The following SNAPC4 variants were observed in gnomAD, a reference collection of about 807,000 sequenced individuals.
The protein encoded by SNAPC4 is snRNA-activating protein complex subunit 4.
Under a neutral mutation model 151.3 loss-of-function variants are expected in SNAPC4, and 127 were observed. The ratio of observed to expected loss-of-function variants is 0.84; its 90% CI spans 0.73 to 0.97. SNAPC4 has a LOEUF of 0.97. Ranked by LOEUF, SNAPC4 falls within the 50% of genes least tolerant of loss-of-function variation. The pLI is 0.00. For missense variants in SNAPC4, 2,186 were observed against 1,935.0 expected, an observed-to-expected ratio of 1.13 and a Z score of -2.43; for synonymous variants, 1,002 against 824.4, an observed-to-expected ratio of 1.22 and a Z score of -3.69.
chr9:136,399,746 T>C (rs1455218904), intron 1 of SNAPC4, among the ~76,000 whole-genome samples: 1 of 152,106 alleles, frequency 6.6e-6, no homozygotes, highest in Non-Finnish European at 1.5e-5. Flanking sequence ...AGGCACTGGC[T>C]TGGGAGACAG....
At chr9:136,396,914 G>A (rs1423733829) in intron 3 of SNAPC4, 63 bp downstream of exon 3, 7 of 1,342,842 alleles carry the variant, frequency 5.2e-6, no homozygotes, top group Non-Finnish European at 6.4e-6. Context: ...CCCCTCCCAG[G>A]CTACTTTGGA....
intron 6 of SNAPC4, 56 bp downstream of exon 6, chr9:136,394,744 G>A (rs935295551): frequency 1.4e-6 from 2 of 1,467,532 alleles, no homozygotes; most frequent in African/African-American, 2.8e-5. Flanking sequence ...GGAAAGGAGG[G>A]CCATGGGGAG....
rs1440309507 is a variant in SNAPC4, at chr9:136,390,840, A to AT, written c.975+1101dup. Among the ~76,000 whole-genome samples, 1,274 of 145,438 alleles carry AT rather than the reference A, an allele frequency of 8.8e-3. 5 individuals carry two copies. Among genetic ancestry groups the AT allele is most frequent in the African/African-American group, 0.013 (509 of 39,930 alleles). ...AAAACCGATTTGTATTTATTTATTT[A>AT]TTTTTTTTTTTTTTGAGACGGAGTC... On this transcript the variant is annotated intron_variant, in intron 10 of 23. Transcript: ENST00000684778.
rs139956195 is a variant in SNAPC4 at position 136,381,697 on chromosome 9, C to T, written c.2317+127G>A. The T allele has an allele frequency of 1.8e-4, 215 of 1,192,992 alleles. No individual in the cohort carries two copies. In the East Asian group the frequency reaches 4.5e-3, roughly 25 times the overall value. The allele number at this position is 1,192,992 out of a possible 1,614,324, so 73.9% of individuals were successfully genotyped here. On this transcript the variant is annotated intron_variant, in intron 18 of 23. Transcript: ENST00000684778. ...GGGACGGGAAGCTGACCAGAGGTGG[C>T]GCCCACCCCAAAAAGACTCCCCTGC...
At position 136,378,755 on chromosome 9, in the gene SNAPC4, T is replaced by C; in HGVS notation, c.3072A>G (p.Gly1024=). The C allele has an allele frequency of 1.3e-6, 2 of 1,531,198 alleles. No individual in the cohort carries two copies. The highest frequency in any genetic ancestry group is 1.8e-6 in the Non-Finnish European group (2 of 1,138,580). The allele number at this position is 1,531,198 out of a possible 1,614,324, so 94.9% of individuals were successfully genotyped here. Reference sequence around the variant, plus strand: ...GGGATGCAGCGGGGGCCTGAGACTGTCCGAGACCACTCTCGGGGCAGCTCA... The same window carrying C: ...GGGATGCAGCGGGGGCCTGAGACTGCCCGAGACCACTCTCGGGGCAGCTCA... ...ISVSCPESGL[G]QSQAPAASRK... The change falls in exon 22 of 24, where the codon GGA becomes GGG. Residue 1024 remains glycine (G), a synonymous_variant. Coordinates refer to ENST00000684778, the MANE Select transcript of SNAPC4 (RefSeq NM_003086.4).
Position 136,383,465 on chromosome 9 carries a change from G to C in SNAPC4, c.1704C>G (p.Asp568Glu). ...ALLSPQYMVP[D>E]MDLWVPARQS... ...GCCTGGCAGGAACCCACAGGTCCAT[G>C]TCCGGGACCATGTACTGTGGGGACA... The change falls in exon 16 of 24, where the codon GAC becomes GAG. Residue 568 changes from aspartate (D) to glutamate (E), a missense_variant. Coordinates refer to ENST00000684778, the MANE Select transcript of SNAPC4 (RefSeq NM_003086.4). This position sits in a 1 kb window ranked among gnomAD's most constrained non-coding sequence, Gnocchi z 4.2. 1.3e-6 allele frequency: 2 copies of C among 1,563,114 alleles called. No homozygotes were observed. Among genetic ancestry groups the C allele is most frequent in the South Asian group, 2.3e-5 (2 of 86,122 alleles).
At position 136,377,654 on chromosome 9, in the gene SNAPC4, T is replaced by C. The variant is rs200797958; in HGVS notation, c.4173A>G (p.Ser1391=). ...TCTCAGAGCCCACCCTCGAAGGTACTGAGAGGGTGGTGCGGACGCCTTGGG... is the reference window on the plus strand; with the variant it reads ...TCTCAGAGCCCACCCTCGAAGGTACCGAGAGGGTGGTGCGGACGCCTTGGG... ...LAPQGVRTTL[S]VPSRVGSESE... Residue 1391 remains serine, a synonymous_variant, in exon 22 of 24, where the codon TCA becomes TCG. Coordinates refer to ENST00000684778, the MANE Select transcript of SNAPC4 (RefSeq NM_003086.4). 5.4e-4 allele frequency: 867 copies of C among 1,602,812 alleles called. No homozygotes were observed. The highest frequency in any genetic ancestry group is 6.9e-4 in the Non-Finnish European group (811 of 1,173,798).
chr9:136,379,845 C>T lies in SNAPC4; in HGVS notation c.2519G>A (p.Ser840Asn). 3 of 1,613,332 alleles carry T rather than the reference C, an allele frequency of 1.9e-6. No individual in the cohort carries two copies. The highest frequency in any genetic ancestry group is 2.5e-6 in the Non-Finnish European group (3 of 1,179,714). ...CAGAGAAGCAGAGTTACCTGGGGTG[C>T]TCTGGGCACTTGAGGATGCCTGGAA... ...HLLQASSSAQ[S>N]TPGHLFPNVP... The change falls in exon 21 of 24, where the codon AGC (serine) becomes AAC (asparagine). Residue 840 changes from serine to asparagine, a missense_variant. Transcript: ENST00000684778.
At chr9:136,381,519 G>T in intron 18 of SNAPC4, 127 bp from the exon 19 acceptor site, 1 of 860,968 alleles carries the variant, frequency 1.2e-6, no homozygotes, top group Non-Finnish European at 1.9e-6. Flanking sequence ...AGGGTGGGAG[G>T]GGAGGCCTTG....
chr9:136,383,167 AC>A lies in SNAPC4; in HGVS notation c.1983+18del. 7 of 1,517,610 alleles carry A rather than the reference AC, an allele frequency of 4.6e-6. No individual in the cohort carries two copies. The allele number at this position is 1,517,610 out of a possible 1,614,324, so 94.0% of individuals were successfully genotyped here. A position where few individuals can be genotyped will look rare whatever the true frequency, so the allele number is the denominator to read the frequency against. ...GCCGAAAGTGCACTTCCCGTGGTACACCCAGGGCCGGGGCCTACCTCCAGGG... is the reference window on the plus strand; with the variant it reads ...GCCGAAAGTGCACTTCCCGTGGTACACCAGGGCCGGGGCCTACCTCCAGGG... On this transcript the variant is annotated intron_variant, in intron 16 of 23. Coordinates refer to ENST00000684778, the MANE Select transcript of SNAPC4 (RefSeq NM_003086.4). The surrounding 1 kb of genome is among the most constrained non-coding windows in gnomAD (Gnocchi z 4.2).
intron 2 of SNAPC4, 144 bp downstream of exon 2, chr9:136,398,155 A>G: frequency 1.4e-6 from 1 of 709,310 alleles, no homozygotes; most frequent in Non-Finnish European, 2.3e-6. Context: ...CAATGCTCTC[A>G]CCTCAGCCTC....
At position 136,392,507 on chromosome 9, in the gene SNAPC4, C is replaced by G. The variant is rs766877470; in HGVS notation, c.810+15G>C. On this transcript the variant is annotated intron_variant, in intron 9 of 23. Coordinates refer to ENST00000684778, the MANE Select transcript of SNAPC4 (RefSeq NM_003086.4). The stretch of plus-strand genomic sequence containing the variant: ...GCTCCAAGCTGCTTGGGGCTCAGAC[C>G]TGCCCCTGACTTACGTTAATATTGG... 80 of 1,612,650 alleles carry G rather than the reference C, an allele frequency of 5.0e-5. 2 individuals are homozygous for G. In the South Asian group the frequency reaches 8.6e-4, roughly 17 times the overall value.
At chr9:136,392,818 G>C in intron 7 of SNAPC4, 41 bp from the exon 8 acceptor site, 1 of 1,547,366 alleles carries the variant, frequency 6.5e-7, no homozygotes, top group African/African-American at 1.4e-5. Context: ...GGGCACGAGG[G>C]CTGCGGGGCG....
chr9:136,395,812 G>A (rs754283979), intron 3 of SNAPC4, 42 bp from the exon 4 acceptor site: 3 of 1,579,462 alleles, frequency 1.9e-6, no homozygotes, highest in South Asian at 2.3e-5. Context: ...GATGAGACGT[G>A]GATGCTCCCC....
At position 136,383,653 on chromosome 9, in the gene SNAPC4, G is replaced by A. The variant is rs769451254; in HGVS notation, c.1516C>T (p.Arg506Trp). 54 of 1,605,880 alleles carry A rather than the reference G, an allele frequency of 3.4e-5. No individual in the cohort carries two copies. Among genetic ancestry groups the A allele is most frequent in the East Asian group, 1.8e-4 (8 of 44,798 alleles). ...KIMMGKKQGL[R>W]RRRRRARHSV... ...TGACGGGCCCTCCGCCGCCGCCTCC[G>A]GAGACCCTGCTTCTTCTGAGGGGAG... Residue 506 changes from arginine (R) to tryptophan (W), a missense_variant, in exon 16 of 24, where the codon CGG becomes TGG. Physicochemically the swap from Arg to Trp is moderately radical, Grantham distance 101. Coordinates refer to ENST00000684778, the MANE Select transcript of SNAPC4 (RefSeq NM_003086.4). The surrounding 1 kb of genome is among the most constrained non-coding windows in gnomAD (Gnocchi z 4.2).
In SNAPC4 at chr9:136,379,164, G is replaced by A; in HGVS notation, c.2663C>T (p.Pro888Leu). The A allele has an allele frequency of 6.3e-7, 1 of 1,589,280 alleles. No homozygotes were observed. ...ASLLASTGPRPKPKTVSELLQ... is the reference protein window; with the variant it reads ...ASLLASTGPRLKPKTVSELLQ... Reference sequence around the variant, plus strand: ...CAGCTCCGACACAGTCTTGGGCTTGGGCCGGGGGCCGGTTGAAGCCAGCAG... The same window carrying A: ...CAGCTCCGACACAGTCTTGGGCTTGAGCCGGGGGCCGGTTGAAGCCAGCAG... The change falls in exon 22 of 24, where the codon CCC (proline) becomes CTC (leucine). Residue 888 changes from proline (P) to leucine (L), a missense_variant. By Grantham distance (98) the Pro-to-Leu change is moderately conservative. Transcript: ENST00000684778.
At chr9:136,391,152 G>A (rs1834060149) in intron 10 of SNAPC4, among the ~76,000 whole-genome samples, 1 of 152,120 alleles carries the variant, frequency 6.6e-6, no homozygotes, top group Admixed American at 6.5e-5. Flanking sequence ...CATCTTTAAA[G>A]GCAAACTCAA....
Position 136,381,988 on chromosome 9 carries a change from C to T in SNAPC4, c.2153G>A (p.Trp718Ter), listed in dbSNP as rs1214786473. The T allele has an allele frequency of 1.2e-6, 2 of 1,611,388 alleles. No homozygotes were observed. Among genetic ancestry groups the T allele is most frequent in the Non-Finnish European group, 1.7e-6 (2 of 1,179,730 alleles). The part of the protein sequence containing the change: ...GDSVARSHVQ[W>*]LRHRATQSGQ... ...ACTCTGGGTGGCTCTGTGCCGTAGC[C>T]ACTGCACATGGGATCGGGCCACGCT... The change falls in exon 18 of 24, where the codon TGG (tryptophan) becomes TAG (stop). Residue 718 changes from tryptophan to a stop codon, truncating the protein, a stop_gained. Coordinates refer to ENST00000684778, the MANE Select transcript of SNAPC4 (RefSeq NM_003086.4). LOFTEE classifies it high-confidence loss of function.
In SNAPC4 at chr9:136,377,575, G is replaced by C; in HGVS notation, c.4252C>G (p.Pro1418Ala). The C allele has an allele frequency of 6.6e-7, 1 of 1,521,954 alleles. No individual in the cohort carries two copies. The highest frequency in any genetic ancestry group is 8.8e-7 in the Non-Finnish European group (1 of 1,133,202). The allele number at this position is 1,521,954 out of a possible 1,614,324, so 94.3% of individuals were successfully genotyped here. The change falls in exon 22 of 24, where the codon CCG becomes GCG. Residue 1418 changes from proline to alanine, a missense_variant. Coordinates refer to ENST00000684778, the MANE Select transcript of SNAPC4 (RefSeq NM_003086.4). Reference sequence around the variant, plus strand: ...GGGCATGTGGCTGTCGTGCAGCCCGGCTGCCCGTCCCTGTCTGCAAGTTCC... The same window carrying C: ...GGGCATGTGGCTGTCGTGCAGCCCGCCTGCCCGTCCCTGTCTGCAAGTTCC... ...ELELADRDGQ[P>A]GCTTATCPIQ...
Sources: allele counts gnomAD v4.1 joint callset (sites outside exome capture counted in the v4.1 genomes callset), GRCh38; gene constraint gnomAD v4.1.1; non-coding constraint Gnocchi (gnomAD v3.1); transcripts MANE v1.5; gene names NCBI Gene and HGNC (gene_info 2026-07-23, HGNC 2026-07-21).